Variants in TJP2 observed in about 807,000 individuals in gnomAD.
TJP2 encodes the protein Friedreich ataxia region gene X104 (tight junction protein ZO-2).
Under a neutral mutation model 133.1 loss-of-function variants are expected in TJP2, and 91 were observed. The ratio of observed to expected loss-of-function variants is 0.68; its 90% CI spans 0.58 to 0.81. The LOEUF (loss-of-function observed/expected upper bound fraction) is 0.81, where lower values mean the gene tolerates loss of function less well. Ranked by LOEUF, TJP2 falls within the 40% of genes least tolerant of loss-of-function variation. TJP2 has a pLI of 0.00. For missense variants in TJP2, 1,541 were observed against 1,565.6 expected, an observed-to-expected ratio of 0.98 and a Z score of 0.26; for synonymous variants, 592 against 583.4, an observed-to-expected ratio of 1.01 and a Z score of -0.21.
chr9:69,163,491 C>T (rs922077736), intron 2 of TJP2, among the ~76,000 whole-genome samples: 3 of 152,088 alleles, frequency 2.0e-5, no homozygotes, highest in Non-Finnish European at 4.4e-5. Context: ...CAAAAATTAG[C>T]TGGGCATGGT....
chr9:69,141,898 A>G (rs1194359235), intron 1 of TJP2, among the ~76,000 whole-genome samples: 1 of 152,180 alleles, frequency 6.6e-6, no homozygotes. Flanking sequence ...TGCATTTATT[A>G]TTTAAAACAA....
intron 1 of TJP2, among the ~76,000 whole-genome samples, chr9:69,185,918 C>T (rs189142908): frequency 6.2e-5 from 9 of 144,074 alleles, no homozygotes; most frequent in Admixed American, 1.4e-4. Flanking sequence ...GACGGAGTCT[C>T]GGTTGCGCCT....
intron 1 of TJP2, among the ~76,000 whole-genome samples, chr9:69,151,375 G>C (rs1823467352): frequency 6.6e-6 from 1 of 151,986 alleles, no homozygotes; most frequent in Non-Finnish European, 1.5e-5. Flanking sequence ...CAGCTTTCCG[G>C]GAGGTTGAGG....
At chr9:69,190,950 G>A (rs556823684) in intron 1 of TJP2, among the ~76,000 whole-genome samples, 8 of 152,316 alleles carry the variant, frequency 5.3e-5, no homozygotes, top group African/African-American at 1.9e-4. Flanking sequence ...AATGTTTCCT[G>A]GCTCCTGCCT....
intron 1 of TJP2, among the ~76,000 whole-genome samples, chr9:69,198,082 A>G (rs1345169386): frequency 6.6e-6 from 1 of 151,880 alleles, no homozygotes; most frequent in Admixed American, 6.6e-5. Context: ...TTTGCATTTC[A>G]ACACAACTGC....
intron 16 of TJP2, 51 bp downstream of exon 16, chr9:69,238,840 T>C (rs949514969): frequency 7.1e-7 from 1 of 1,416,274 alleles, no homozygotes. Context: ...TAGATTATGG[T>C]TTGCTGCAGT....
At chr9:69,142,500 T>G (rs2133297727) in intron 1 of TJP2, among the ~76,000 whole-genome samples, 1 of 152,288 alleles carries the variant, frequency 6.6e-6, no homozygotes, top group South Asian at 2.1e-4. Flanking sequence ...TCAGTAGAGC[T>G]AAAAAAGCAA....
chr9:69,177,651 G>T (rs536098395), intron 1 of TJP2, among the ~76,000 whole-genome samples: 171 of 149,106 alleles, frequency 1.1e-3, no homozygotes, highest in South Asian at 3.8e-3. Flanking sequence ...TGTTTTTTTG[G>T]TTTTTTTTTT....
Position 69,184,992 on chromosome 9 carries a change from C to T in TJP2, c.60+10560C>T, listed in dbSNP as rs189887198. ...CTTGAACTCCTGGGCTCAGGCGATC[C>T]TCCTACCTCGGCCTCCCGAAGTGCT... is the stretch of plus-strand genomic sequence containing the variant. On this transcript the variant is annotated intron_variant, in intron 1 of 22. Transcript: ENST00000377245. Among the ~76,000 whole-genome samples, 258 of 152,110 alleles carry T rather than the reference C, an allele frequency of 1.7e-3. 1 individual carries two copies. Among genetic ancestry groups the T allele is most frequent in the Middle Eastern group, 0.01 (3 of 290 alleles).
chr9:69,218,326 G>A lies in TJP2; in HGVS notation c.309G>A (p.Gln103=). Residue 103 remains glutamine (Q), a synonymous_variant, in exon 4 of 23, where the codon CAG becomes CAA. Transcript: ENST00000377245. ...ATGTGCTTCATTCGTTTGCAGTTCA[G>A]CAGCTCAGAAAAAGTGGGAAGGTCG... is the stretch of plus-strand genomic sequence containing the variant. ...MEDVLHSFAV[Q]QLRKSGKVAA... 1 of 1,614,196 alleles carries A rather than the reference G, an allele frequency of 6.2e-7. No homozygotes were observed.
intron 1 of TJP2, among the ~76,000 whole-genome samples, chr9:69,135,556 T>G (rs1822693564): frequency 6.6e-6 from 1 of 151,602 alleles, no homozygotes; most frequent in Non-Finnish European, 1.5e-5. Context: ...TTCTCCTGCC[T>G]CAGCCCCCTG....
At chr9:69,186,788 G>T (rs904573382) in intron 1 of TJP2, among the ~76,000 whole-genome samples, 4 of 152,176 alleles carry the variant, frequency 2.6e-5, no homozygotes, top group Non-Finnish European at 5.9e-5. Context: ...CGTGTATTTT[G>T]ATTTGACAAT....
chr9:69,168,462 C>T (rs1824478535), intron 2 of TJP2, among the ~76,000 whole-genome samples: 1 of 151,216 alleles, frequency 6.6e-6, no homozygotes, highest in African/African-American at 2.4e-5. Context: ...CCCCCACCCT[C>T]AAAAAAGAAA....
chr9:69,239,862 C>T, intron 16 of TJP2, 75 bp from the exon 17 acceptor site: 1 of 1,183,166 alleles, frequency 8.5e-7, no homozygotes, highest in South Asian at 1.3e-5. Context: ...ACAGCCTTTA[C>T]TTATTAAAAC....
In TJP2 at chr9:69,140,108, A is replaced by T. The variant is rs1016344418; in HGVS notation, c.-130-11543A>T. ...AGTCATCGTGTTCCAGTTTTAATTG[A>T]TGAAGCCCAAAGTATGTGAGAGGGC... On this transcript the variant is annotated intron_variant, in intron 1 of 5. Coordinates refer to the TJP2 transcript ENST00000423935. Among the ~76,000 whole-genome samples the T allele has an allele frequency of 2.6e-5, 4 of 152,206 alleles. No individual in the cohort carries two copies. The South Asian group carries it at 8.3e-4, about 31-fold the overall frequency.
chr9:69,248,537 A>T (rs1017839231), intron 19 of TJP2: 1 of 1,275,618 alleles, frequency 7.8e-7, no homozygotes, highest in African/African-American at 1.5e-5. Flanking sequence ...CTTCCCATGC[A>T]GTATTGTTGT....
intron 15 of TJP2, 103 bp downstream of exon 15, chr9:69,238,076 A>G (rs759042561): frequency 1.3e-6 from 1 of 792,338 alleles, no homozygotes; most frequent in Non-Finnish European, 2.2e-6. Context: ...TTCACCTGGA[A>G]TCACCAGTTG....
At chr9:69,142,802 T>G (rs1358104055) in intron 1 of TJP2, among the ~76,000 whole-genome samples, 1 of 152,220 alleles carries the variant, frequency 6.6e-6, no homozygotes, top group East Asian at 1.9e-4. Context: ...GCATCCTGAC[T>G]TAAAAGCTTT....
In TJP2 at chr9:69,254,193, A is replaced by AC; in HGVS notation, c.3408-13dup. On this transcript the variant is annotated splice_polypyrimidine_tract_variant and intron_variant, in intron 22 of 22. Transcript: ENST00000377245. Reference sequence around the variant, plus strand: ...GGATGTGCTCTGGAATGTCTTTAACACCCTTTTTTTGTTAGTTCCAGACCC... The same window carrying AC: ...GGATGTGCTCTGGAATGTCTTTAACACCCCTTTTTTTGTTAGTTCCAGACCC... 1 of 1,613,920 alleles carries AC rather than the reference A, an allele frequency of 6.2e-7. No homozygotes were observed. Among genetic ancestry groups the AC allele is most frequent in the East Asian group, 2.2e-5 (1 of 44,860 alleles).
Sources: allele counts gnomAD v4.1 joint callset (sites outside exome capture counted in the v4.1 genomes callset), GRCh38; gene constraint gnomAD v4.1.1; transcripts MANE v1.5; gene names NCBI Gene and HGNC (gene_info 2026-07-23, HGNC 2026-07-21).